The following ZNF148 variants were observed in gnomAD, a reference collection of about 807,000 sequenced individuals.
ZNF148 encodes the protein zinc finger protein 148.
A neutral mutation model predicts 67.7 loss-of-function variants in ZNF148; 7 were observed. That is an observed-to-expected ratio of 0.10 (90% CI 0.06 to 0.19). The LOEUF (loss-of-function observed/expected upper bound fraction) is 0.19. Ranked by LOEUF, ZNF148 falls within the 10% of genes least tolerant of loss-of-function variation. ZNF148 has a pLI of 1.00. For missense variants in ZNF148, 583 were observed against 947.1 expected, an observed-to-expected ratio of 0.62 and a Z score of 5.05; for synonymous variants, 333 against 330.7, an observed-to-expected ratio of 1.01 and a Z score of -0.08.
rs11924106 is a variant in ZNF148 at position 125,229,048 on chromosome 3, C to A, written c.*3293G>T. The A allele has an allele frequency of 6.6e-6, 1 of 152,022 alleles. No individual in the cohort carries two copies. The highest frequency in any genetic ancestry group is 6.6e-5 in the Admixed American group (1 of 15,198). 9.4% of individuals were successfully genotyped at this position (152,022 alleles called of 1,614,324 possible). A position where few individuals can be genotyped will look rare whatever the true frequency, so the allele number is the denominator to read the frequency against. On this transcript the variant is annotated 3_prime_UTR_variant, in exon 9 of 9. Coordinates refer to ENST00000360647, the MANE Select transcript of ZNF148 (RefSeq NM_021964.3). Reference sequence around the variant, plus strand: ...TTCCCTGAAATAAAGCAATTTGAAACGGAAAATTAAATTAAATTTCAGACT... The same window carrying A: ...TTCCCTGAAATAAAGCAATTTGAAAAGGAAAATTAAATTAAATTTCAGACT...
At position 125,269,537 on chromosome 3, in the gene ZNF148, A is replaced by C. The variant is rs185825056; in HGVS notation, c.667+8189T>G. On this transcript the variant is annotated intron_variant, in intron 7 of 8. Coordinates refer to ENST00000360647, the MANE Select transcript of ZNF148 (RefSeq NM_021964.3). ...ACGTGAATTATTTCAGCGACTGTGA[A>C]AAACAGTCTGGAGATTTCTCAAGGA... is the stretch of plus-strand genomic sequence containing the variant. Among the ~76,000 whole-genome samples the C allele has an allele frequency of 3.2e-4, 49 of 152,328 alleles. No homozygotes were observed. The East Asian group carries it at 8.9e-3, about 28-fold the overall frequency.
chr3:125,248,996 C>G (rs1424403801), intron 7 of ZNF148, among the ~76,000 whole-genome samples: 1 of 152,116 alleles, frequency 6.6e-6, no homozygotes, highest in Non-Finnish European at 1.5e-5. Flanking sequence ...AAGCTTAAAT[C>G]TCTATTCTTG....
chr3:125,234,657 T>C (rs1027308952), intron 7 of ZNF148, among the ~76,000 whole-genome samples: 6 of 152,168 alleles, frequency 3.9e-5, no homozygotes, highest in Non-Finnish European at 5.9e-5. Context: ...ATATAAAATA[T>C]TGTATAACAG....
intron 1 of ZNF148, among the ~76,000 whole-genome samples, chr3:125,352,620 C>T (rs926311020): frequency 4.9e-5 from 7 of 142,528 alleles, no homozygotes; most frequent in Admixed American, 1.4e-4. Flanking sequence ...TCTAAGTAAA[C>T]GGAGAAATAT....
chr3:125,284,506 AG>A (rs775262987), intron 5 of ZNF148, among the ~76,000 whole-genome samples: 15 of 152,170 alleles, frequency 9.9e-5, no homozygotes, highest in Non-Finnish European at 2.9e-5. Flanking sequence ...GTGGATTTGC[AG>A]GGTCAGGTGG....
chr3:125,260,228 T>C (rs1937276083), intron 7 of ZNF148, among the ~76,000 whole-genome samples: 1 of 151,692 alleles, frequency 6.6e-6, no homozygotes, highest in Admixed American at 6.6e-5. Flanking sequence ...GACACAGAGA[T>C]AGAAAGTGAG....
intron 1 of ZNF148, among the ~76,000 whole-genome samples, chr3:125,353,912 T>A (rs745911749): frequency 5.3e-5 from 8 of 152,022 alleles, no homozygotes; most frequent in African/African-American, 1.9e-4. Context: ...CATCTCTATA[T>A]AGAAACTAAA....
chr3:125,260,075 C>T (rs1169183968), intron 7 of ZNF148, among the ~76,000 whole-genome samples: 2 of 152,114 alleles, frequency 1.3e-5, no homozygotes, highest in African/African-American at 2.4e-5. Flanking sequence ...CAACACTTAT[C>T]GATTAAGTTC....
intron 7 of ZNF148, among the ~76,000 whole-genome samples, chr3:125,236,496 G>C (rs2107517923): frequency 6.6e-6 from 1 of 152,252 alleles, no homozygotes; most frequent in Middle Eastern, 3.4e-3. Flanking sequence ...TTTAAGCTGA[G>C]TAGCAGAGAG....
intron 7 of ZNF148, among the ~76,000 whole-genome samples, chr3:125,253,803 G>T (rs1936953796): frequency 6.6e-6 from 1 of 152,084 alleles, no homozygotes; most frequent in Admixed American, 6.5e-5. Context: ...AATACTGCTG[G>T]ATCTGACAGT....
chr3:125,341,817 A>G (rs1379575110), intron 1 of ZNF148, among the ~76,000 whole-genome samples: 2 of 152,058 alleles, frequency 1.3e-5, no homozygotes, highest in African/African-American at 4.8e-5. Flanking sequence ...CAACATGGCG[A>G]AACACCATCT....
At chr3:125,281,706 T>C (rs1242195115) in intron 5 of ZNF148, among the ~76,000 whole-genome samples, 1 of 152,214 alleles carries the variant, frequency 6.6e-6, no homozygotes, top group Non-Finnish European at 1.5e-5. Flanking sequence ...CAAGCCTTAA[T>C]TCAAGGTGAA....
At chr3:125,324,441 T>C (rs930114566) in intron 2 of ZNF148, among the ~76,000 whole-genome samples, 18 of 152,152 alleles carry the variant, frequency 1.2e-4, no homozygotes, top group Admixed American at 2.0e-4. Context: ...ACAAAAAAGA[T>C]AGATAAAATC....
chr3:125,372,524 G>T (rs1942923831), intron 1 of ZNF148, among the ~76,000 whole-genome samples: 1 of 152,146 alleles, frequency 6.6e-6, no homozygotes, highest in Admixed American at 6.5e-5. Context: ...AATATTATAT[G>T]CCCATTACTT....
intron 1 of ZNF148, among the ~76,000 whole-genome samples, chr3:125,370,832 A>G (rs540535128): frequency 1.3e-5 from 2 of 152,294 alleles, no homozygotes; most frequent in African/African-American, 4.8e-5. Context: ...AAAATGACAA[A>G]AATTTTAGTC....
At chr3:125,275,371 T>C (rs903149096) in intron 7 of ZNF148, among the ~76,000 whole-genome samples, 3 of 152,192 alleles carry the variant, frequency 2.0e-5, no homozygotes, top group Non-Finnish European at 2.9e-5. Flanking sequence ...GGCTAAGCCA[T>C]AATTGGCTTA....
intron 7 of ZNF148, among the ~76,000 whole-genome samples, chr3:125,263,781 G>A (rs1258975485): frequency 4.1e-5 from 6 of 147,198 alleles, no homozygotes; most frequent in Non-Finnish European, 6.0e-5. Context: ...GGATTTCCTG[G>A]GTGATAGAAG....
intron 6 of ZNF148, among the ~76,000 whole-genome samples, 199 bp from the exon 7 acceptor site, chr3:125,278,008 T>C (rs914302387): frequency 1.3e-5 from 2 of 151,946 alleles, no homozygotes; most frequent in African/African-American, 4.8e-5. Flanking sequence ...ATTCTCACAA[T>C]CACAGAAAAA....
chr3:125,286,612 C>T (rs1412583593), intron 5 of ZNF148, among the ~76,000 whole-genome samples: 1 of 152,048 alleles, frequency 6.6e-6, no homozygotes. Flanking sequence ...AACTTTCAAA[C>T]AACATAATAA....
Sources: gnomAD v4.1 joint callset for allele counts (sites outside exome capture counted in the v4.1 genomes callset) on GRCh38, gnomAD v4.1.1 for gene constraint, MANE v1.5 for transcripts, NCBI Gene and HGNC (gene_info 2026-07-23, HGNC 2026-07-21) for gene names.